The following PRR5 variants were observed in gnomAD, a reference collection of about 807,000 sequenced individuals.
The protein encoded by PRR5 is proline rich 5.
PRR5 carries 25 observed loss-of-function variants against 30.6 expected under a neutral mutation model. That is an observed-to-expected ratio of 0.82 (90% confidence interval 0.60 to 1.14). The LOEUF (loss-of-function observed/expected upper bound fraction) is 1.14, where lower values mean the gene tolerates loss of function less well. Ranked by LOEUF, PRR5 falls within the 50% of genes most tolerant of loss-of-function variation. The pLI is 0.00. For missense variants in PRR5, 600 were observed against 547.1 expected (o/e 1.10, Z -0.96); for synonymous variants, 286 against 247.1 (o/e 1.16, Z -1.48).
In PRR5 at chr22:44,679,864, C is replaced by T. The variant is rs771707416; in HGVS notation, c.-11+2624C>T. ...TCGGGAAGCCCGGAAAAGATGCCGG[C>T]GCAGCCTGAGGGCTTGTACAGGTGC... On this transcript the variant is annotated intron_variant, in intron 1 of 8. Coordinates refer to the PRR5 transcript ENST00000006251. The T allele has an allele frequency of 5.2e-5, 82 of 1,588,130 alleles. No homozygotes were observed. In the East Asian group the frequency reaches 6.0e-4, roughly 12 times the overall value.
intron 1 of PRR5, among the ~76,000 whole-genome samples, chr22:44,684,323 A>T (rs1924553810): frequency 6.6e-6 from 1 of 152,158 alleles, no homozygotes; most frequent in African/African-American, 2.4e-5. Context: ...TAGGTGGATC[A>T]CCTGAGGTCA....
In PRR5 at chr22:44,731,700, G is replaced by T. The variant is rs780528764; in HGVS notation, c.323-30G>T. On this transcript the variant is annotated intron_variant, in intron 4 of 7. Coordinates refer to ENST00000336985, the MANE Select transcript of PRR5 (RefSeq NM_181333.4). ...GGAGGCATCTGCCCGCGCCAGTCAGGCCCAGTGGTGATGGCCCCCATGCCC... is the reference window on the plus strand; with the variant it reads ...GGAGGCATCTGCCCGCGCCAGTCAGTCCCAGTGGTGATGGCCCCCATGCCC... 8 of 1,610,380 alleles carry T rather than the reference G, an allele frequency of 5.0e-6. No individual in the cohort carries two copies. The Admixed American group carries it at 1.3e-4, about 27-fold the overall frequency.
At chr22:44,714,435 G>A (rs973382213) in intron 1 of PRR5, among the ~76,000 whole-genome samples, 156 bp from the exon 2 acceptor site, 1 of 152,210 alleles carries the variant, frequency 6.6e-6, no homozygotes, top group Non-Finnish European at 1.5e-5. Context: ...CGGGCTGGGG[G>A]TGCAGGGCCT....
At chr22:44,702,135 G>T (rs1054364761), upstream of PRR5, 1 of 173,178 alleles carries the variant, frequency 5.8e-6, no homozygotes, top group Non-Finnish European at 1.1e-5. Context: ...CGATGCCCCC[G>T]CCCCCTTCCC....
At chr22:44,701,407 C>T (rs894924808), upstream of PRR5, among the ~76,000 whole-genome samples, 1 of 152,238 alleles carries the variant, frequency 6.6e-6, no homozygotes, top group African/African-American at 2.4e-5. Context: ...GCCTCAATGT[C>T]CTCAACTGGA....
intron 1 of PRR5, among the ~76,000 whole-genome samples, chr22:44,685,024 T>G (rs1331181752): frequency 6.6e-6 from 1 of 152,138 alleles, no homozygotes. Context: ...AGCGTGTAGC[T>G]CCAGAGTCAC....
At chr22:44,725,336 C>T (rs770181085) in intron 3 of PRR5, 44 bp downstream of exon 3, 53 of 1,609,586 alleles carry the variant, frequency 3.3e-5, no homozygotes, top group Non-Finnish European at 3.5e-5. Flanking sequence ...GCCTCATGAG[C>T]CAGCCAGAAA....
intron 2 of PRR5, among the ~76,000 whole-genome samples, chr22:44,716,485 G>A (rs886975350): frequency 6.6e-6 from 1 of 152,040 alleles, no homozygotes; most frequent in African/African-American, 2.4e-5. Context: ...AGCCTGGGCT[G>A]AACATGACAA....
At chr22:44,686,111 G>A (rs1447116005) in intron 1 of PRR5, among the ~76,000 whole-genome samples, 1 of 152,074 alleles carries the variant, frequency 6.6e-6, no homozygotes, top group Non-Finnish European at 1.5e-5. Flanking sequence ...ACATTAGCCA[G>A]GTGTGGTAAC....
chr22:44,709,979 T>G (rs2147053625), intron 1 of PRR5, among the ~76,000 whole-genome samples: 1 of 152,220 alleles, frequency 6.6e-6, no homozygotes, highest in Non-Finnish European at 1.5e-5. Flanking sequence ...ACTGAGCTGC[T>G]CTTTTCTCAC....
intron 2 of PRR5, among the ~76,000 whole-genome samples, chr22:44,718,055 G>A (rs564428711): frequency 4.5e-4 from 69 of 152,186 alleles, no homozygotes; most frequent in African/African-American, 1.6e-3. Context: ...ATATTCTATC[G>A]TGTGTATGGA....
Position 44,680,392 on chromosome 22 carries a change from A to G in PRR5, c.-11+3152A>G, listed in dbSNP as rs188797059. Among the ~76,000 whole-genome samples the G allele has an allele frequency of 2.6e-4, 39 of 152,188 alleles. 1 individual carries two copies. In the East Asian group the frequency reaches 7.4e-3, roughly 29 times the overall value. On this transcript the variant is annotated intron_variant, in intron 1 of 8. Transcript: ENST00000006251. Reference sequence around the variant, plus strand: ...CCTAAAGTGCACGTTTAGTGGAAGGAAAGGGGGGATGGGGAAGGATGGGGG... The same window carrying G: ...CCTAAAGTGCACGTTTAGTGGAAGGGAAGGGGGGATGGGGAAGGATGGGGG...
At chr22:44,731,102 G>A (rs1176086924) in intron 4 of PRR5, 1 of 299,324 alleles carries the variant, frequency 3.3e-6, no homozygotes, top group Non-Finnish European at 6.8e-6. Flanking sequence ...GGGTTGTTAG[G>A]AGGATCTGAT....
intron 1 of PRR5, among the ~76,000 whole-genome samples, chr22:44,703,807 A>G (rs1926756007): frequency 2.6e-5 from 4 of 152,136 alleles, no homozygotes; most frequent in African/African-American, 7.2e-5. Context: ...TACTTGAGCC[A>G]GGGAAGTCGA....
chr22:44,674,758 A>C (rs1474452868), upstream of PRR5, among the ~76,000 whole-genome samples: 1 of 151,632 alleles, frequency 6.6e-6, no homozygotes, highest in Non-Finnish European at 1.5e-5. Context: ...CAGCCTGGCC[A>C]ACATGGTGAA....
At chr22:44,731,454 C>T (rs1330631393) in intron 4 of PRR5, 3 of 529,542 alleles carry the variant, frequency 5.7e-6, no homozygotes, top group Non-Finnish European at 1.0e-5. Flanking sequence ...GACCCTGAGC[C>T]AAGTTCCCTG....
intron 1 of PRR5, among the ~76,000 whole-genome samples, chr22:44,682,038 G>A (rs999470872): frequency 1.3e-5 from 2 of 152,238 alleles, no homozygotes; most frequent in Non-Finnish European, 2.9e-5. Context: ...CCTGCTCCAC[G>A]CGGCCATGGA....
chr22:44,725,219 C>T (rs748445191), intron 2 of PRR5, 25 bp from the exon 3 acceptor site: 9 of 1,613,530 alleles, frequency 5.6e-6, no homozygotes, highest in Non-Finnish European at 6.8e-6. Flanking sequence ...CTGGGACTCA[C>T]TCTTGTCTCA....
At chr22:44,735,230 G>A in intron 7 of PRR5, 68 bp downstream of exon 7, 2 of 1,506,064 alleles carry the variant, frequency 1.3e-6, no homozygotes, top group Non-Finnish European at 1.8e-6. Flanking sequence ...GTGAACAAAT[G>A]GGCAAGCCGA....
Sources: gnomAD v4.1 joint callset for allele counts (sites outside exome capture counted in the v4.1 genomes callset) on GRCh38, gnomAD v4.1.1 for gene constraint, MANE v1.5 for transcripts, NCBI Gene and HGNC (gene_info 2026-07-23, HGNC 2026-07-21) for gene names.